Variants in BCO2 observed in about 807,000 individuals in gnomAD.
The protein encoded by BCO2 is beta-carotene oxygenase 2, also known as carotenoid-cleaving dioxygenase, mitochondrial.
Under a neutral mutation model 65.8 loss-of-function variants are expected in BCO2, and 56 were observed. The observed-to-expected ratio is 0.85, with a 90% CI of 0.69 to 1.06. The LOEUF (loss-of-function observed/expected upper bound fraction) is 1.06. Among genes scored for constraint, BCO2 ranks in the 50% least tolerant of loss-of-function variants. The probability of loss-of-function intolerance (pLI) is 0.00; values close to 1 mark genes in which losing one functional copy is unlikely to be tolerated. For missense variants in BCO2, 675 were observed against 698.5 expected, an observed-to-expected ratio of 0.97 and a Z score of 0.38; for synonymous variants, 233 against 242.3, an observed-to-expected ratio of 0.96 and a Z score of 0.36.
intron 2 of BCO2, chr11:112,179,868 T>A (rs1866986356): frequency 4.4e-6 from 1 of 226,238 alleles, no homozygotes; most frequent in South Asian, 6.1e-5. Flanking sequence ...TGGGCACAGT[T>A]GTATCTTCTC....
chr11:112,191,271 A>G (rs987744664), intron 2 of BCO2, among the ~76,000 whole-genome samples: 2 of 152,134 alleles, frequency 1.3e-5, no homozygotes, highest in Admixed American at 1.3e-4. Flanking sequence ...TAGAGGATCA[A>G]TGATAAAACT....
At chr11:112,199,153 C>T (rs1472906549) in intron 5 of BCO2, among the ~76,000 whole-genome samples, 2 of 152,012 alleles carry the variant, frequency 1.3e-5, no homozygotes, top group African/African-American at 4.8e-5. Context: ...GTTCTCCTCC[C>T]AGTGTCCATG....
At chr11:112,216,785 C>T (rs1295583011) in intron 11 of BCO2, among the ~76,000 whole-genome samples, 1 of 152,206 alleles carries the variant, frequency 6.6e-6, no homozygotes, top group Non-Finnish European at 1.5e-5. Flanking sequence ...CAGTCCTGGT[C>T]CAGTGTCCCA....
intron 1 of BCO2, among the ~76,000 whole-genome samples, chr11:112,177,365 A>G (rs570265511): frequency 5.3e-5 from 8 of 152,330 alleles, no homozygotes; most frequent in Non-Finnish European, 1.0e-4. Context: ...AATGGAGTCC[A>G]GGAAACTGCA....
Position 112,181,608 on chromosome 11 carries a change from T to C in BCO2, c.293+2126T>C, listed in dbSNP as rs982132492. 32 of 764,980 alleles carry C rather than the reference T, an allele frequency of 4.2e-5. No homozygotes were observed. In the African/African-American group the frequency reaches 5.3e-4, roughly 13 times the overall value. 47.4% of individuals were successfully genotyped at this position (764,980 alleles called of 1,614,324 possible). On this transcript the variant is annotated intron_variant, in intron 2 of 11. Transcript: ENST00000357685. Reference sequence around the variant, plus strand: ...TGTTAGAAGAAGCAAGATTTTTTGGTATTGACTCATTGAACACCTAAAAGT... The same window carrying C: ...TGTTAGAAGAAGCAAGATTTTTTGGCATTGACTCATTGAACACCTAAAAGT...
intron 6 of BCO2, chr11:112,200,399 G>A: frequency 2.4e-6 from 1 of 410,172 alleles, no homozygotes; most frequent in South Asian, 6.7e-5. Context: ...CTGAGAACAT[G>A]CAACCCAAGC....
intron 1 of BCO2, among the ~76,000 whole-genome samples, chr11:112,177,595 C>T (rs1045024548): frequency 6.6e-6 from 1 of 152,126 alleles, no homozygotes; most frequent in African/African-American, 2.4e-5. Context: ...TCATTAAAAG[C>T]TATGTAAATA....
intron 1 of BCO2, among the ~76,000 whole-genome samples, chr11:112,177,181 A>G (rs765513206): frequency 5.3e-5 from 8 of 152,250 alleles, no homozygotes; most frequent in Non-Finnish European, 8.8e-5. Context: ...TCTGAGAATA[A>G]GATAAATGGT....
At chr11:112,207,105 AG>A (rs1186594942) in intron 8 of BCO2, among the ~76,000 whole-genome samples, 1 of 152,232 alleles carries the variant, frequency 6.6e-6, no homozygotes, top group African/African-American at 2.4e-5. Flanking sequence ...CTATGTGCAC[AG>A]TCATGTTACC....
chr11:112,209,066 C>T (rs1209119417), intron 8 of BCO2, among the ~76,000 whole-genome samples: 1 of 152,128 alleles, frequency 6.6e-6, no homozygotes, highest in African/African-American at 2.4e-5. Context: ...ACATTTGTTA[C>T]AACTGATGAA....
intron 11 of BCO2, among the ~76,000 whole-genome samples, chr11:112,217,274 G>A (rs764576950): frequency 6.6e-6 from 1 of 152,236 alleles, no homozygotes; most frequent in Non-Finnish European, 1.5e-5. Context: ...GAAACAATTT[G>A]TGAGTGTATA....
At position 112,179,283 on chromosome 11, in the gene BCO2, A is replaced by C. The variant is rs776462866; in HGVS notation, c.94A>C (p.Lys32Gln). ...PVMVHRLPVF[K>Q]RYMGNTPQKK... Reference sequence around the variant, plus strand: ...TTTTGGTTTCCTCTGCACAGTTTTCAAAAGGTACATGGGAAATACTCCTCA... The same window carrying C: ...TTTTGGTTTCCTCTGCACAGTTTTCCAAAGGTACATGGGAAATACTCCTCA... The change falls in exon 2 of 12, where the codon AAA (lysine) becomes CAA (glutamine). Residue 32 changes from lysine to glutamine, a missense_variant. Lys to Gln is a moderately conservative substitution (Grantham distance 53, BLOSUM62 1). Transcript: ENST00000357685. 1 of 1,614,106 alleles carries C rather than the reference A, an allele frequency of 6.2e-7. No homozygotes were observed. Among genetic ancestry groups the C allele is most frequent in the South Asian group, 1.1e-5 (1 of 91,082 alleles).
At chr11:112,198,940 C>A (rs1449360448) in intron 5 of BCO2, among the ~76,000 whole-genome samples, 3 of 151,464 alleles carry the variant, frequency 2.0e-5, no homozygotes, top group Non-Finnish European at 4.4e-5. Context: ...CATTATAATC[C>A]TTACCTCATT....
chr11:112,212,032 T>C (rs954751831), intron 8 of BCO2, among the ~76,000 whole-genome samples: 1 of 134,468 alleles, frequency 7.4e-6, no homozygotes, highest in Non-Finnish European at 1.6e-5. Context: ...TCTGAAGCCA[T>C]GGTGACCTTT....
intron 2 of BCO2, among the ~76,000 whole-genome samples, chr11:112,186,081 A>T (rs1174590966): frequency 6.6e-6 from 1 of 152,228 alleles, no homozygotes; most frequent in Non-Finnish European, 1.5e-5. Flanking sequence ...GATGTTTAAA[A>T]AAAGATTATG....
intron 5 of BCO2, among the ~76,000 whole-genome samples, chr11:112,195,884 G>A (rs1592849832): frequency 1.3e-5 from 2 of 152,314 alleles, no homozygotes; most frequent in East Asian, 1.9e-4. Context: ...CTGAAAAGGG[G>A]CCAAGAATTT....
intron 9 of BCO2, among the ~76,000 whole-genome samples, chr11:112,214,414 G>T (rs1421797693): frequency 6.6e-6 from 1 of 152,168 alleles, no homozygotes; most frequent in African/African-American, 2.4e-5. Flanking sequence ...CTCCCAAAGT[G>T]CTGGGATTAC....
At chr11:112,181,910 C>A in intron 2 of BCO2, 2 of 707,688 alleles carry the variant, frequency 2.8e-6, no homozygotes, top group South Asian at 3.3e-5. Flanking sequence ...TCCAGGGAGT[C>A]AAGATGCTCT....
intron 2 of BCO2, chr11:112,181,335 C>G (rs1423099224): frequency 9.5e-6 from 5 of 528,648 alleles, no homozygotes; most frequent in Admixed American, 3.2e-5. Context: ...GCGCCCGCCA[C>G]TACGCCCGGC....
Sources: gnomAD v4.1 joint callset for allele counts (sites outside exome capture counted in the v4.1 genomes callset) on GRCh38, gnomAD v4.1.1 for gene constraint, MANE v1.5 for transcripts, NCBI Gene and HGNC (gene_info 2026-07-23, HGNC 2026-07-21) for gene names.